The following GFRA1 variants were observed in gnomAD, a reference collection of about 807,000 sequenced individuals.
The protein encoded by GFRA1 is GDNF family receptor alpha 1.
GFRA1 carries 16 observed loss-of-function variants against 51.6 expected under a neutral mutation model. The ratio of observed to expected loss-of-function variants is 0.31; its 90% confidence interval spans 0.21 to 0.47. GFRA1 has a LOEUF of 0.47. Among genes scored for constraint, GFRA1 ranks in the 20% least tolerant of loss-of-function variants. The pLI, the probability that GFRA1 is intolerant of heterozygous loss-of-function variation, is 1.00. For missense variants in GFRA1, 530 were observed against 594.3 expected (o/e 0.89, Z 1.13); for synonymous variants, 270 against 241.3 (o/e 1.12, Z -1.10).
At chr10:116,256,221 A>G (rs151201886) in intron 4 of GFRA1, among the ~76,000 whole-genome samples, 1,913 of 152,280 alleles carry the variant, frequency 0.013, 22 homozygotes, top group Non-Finnish European at 0.02. Flanking sequence ...GTGCTGGAAC[A>G]TGGAATTCAA....
rs1954642545 is a variant in GFRA1 at position 116,058,155 on chromosome 10, C to T, written c.*6243G>A. On this transcript the variant is annotated 3_prime_UTR_variant, in exon 11 of 11. Transcript: ENST00000355422. ...ACCCGGTCTCGCCCCAGGTAATCAA[C>T]CTTTACTGATTTTCAACGGCCCTGG... The T allele has an allele frequency of 1.3e-5, 2 of 152,130 alleles. No individual in the cohort carries two copies. The highest frequency in any genetic ancestry group is 4.2e-4 in the South Asian group (2 of 4,818). The allele number at this position is 152,130 out of a possible 1,614,324, so 9.4% of individuals were successfully genotyped here. A position where few individuals can be genotyped will look rare whatever the true frequency, so the allele number is the denominator to read the frequency against.
At chr10:116,257,424 C>T (rs1968957363) in intron 4 of GFRA1, among the ~76,000 whole-genome samples, 2 of 152,054 alleles carry the variant, frequency 1.3e-5, no homozygotes, top group South Asian at 4.1e-4. Context: ...CCTTTGCCTT[C>T]CGAGCTTGTG....
At chr10:116,067,303 T>A (rs559101858) in intron 9 of GFRA1, among the ~76,000 whole-genome samples, 1 of 152,340 alleles carries the variant, frequency 6.6e-6, no homozygotes, top group East Asian at 1.9e-4. Context: ...AAAATGGCCC[T>A]AAAACATCAC....
At chr10:116,156,016 GA>G (rs765929634) in intron 5 of GFRA1, among the ~76,000 whole-genome samples, 26 of 152,322 alleles carry the variant, frequency 1.7e-4, no homozygotes, top group Admixed American at 1.2e-3. Flanking sequence ...GTCTTACTTG[GA>G]GCAGGTACTG....
chr10:116,225,413 T>C (rs1966210768), intron 4 of GFRA1, among the ~76,000 whole-genome samples: 1 of 151,008 alleles, frequency 6.6e-6, no homozygotes, highest in Non-Finnish European at 1.5e-5. Flanking sequence ...CACGCACTTA[T>C]AGTCCCTGCT....
At chr10:116,196,707 T>A (rs10736245) in intron 5 of GFRA1, among the ~76,000 whole-genome samples, 24,045 of 32,850 alleles carry the variant, frequency 0.73, 8,144 homozygotes, top group Middle Eastern at 0.81. Context: ...TAATATATAT[T>A]ATATATAGTA....
At chr10:116,225,332 C>T (rs1054294632) in intron 4 of GFRA1, among the ~76,000 whole-genome samples, 5 of 151,706 alleles carry the variant, frequency 3.3e-5, no homozygotes, top group African/African-American at 1.2e-4. Context: ...GTCATCAGAT[C>T]GAGACCATCC....
In GFRA1 at chr10:116,125,468, T is replaced by C. The variant is rs1431165851; in HGVS notation, c.523A>G (p.Ile175Val). ...GACACGCTGGTGGTGCACGGGGTGA[T>C]GTACGCCGACCTGTACTTCTTGCAA... ...DICKKYRSAY[I>V]TPCTTSVSND... The change falls in exon 6 of 11, where the codon ATC (isoleucine) becomes GTC (valine). Residue 175 changes from isoleucine to valine, a missense_variant. Ile to Val is a conservative substitution (Grantham distance 29, BLOSUM62 3). Coordinates refer to ENST00000355422, the MANE Select transcript of GFRA1 (RefSeq NM_005264.8). 5.6e-6 allele frequency: 9 copies of C among 1,614,004 alleles called. No homozygotes were observed. Among genetic ancestry groups the C allele is most frequent in the South Asian group, 1.1e-5 (1 of 91,084 alleles).
rs1441525216 is a variant in GFRA1, at chr10:116,272,721, G to T, written c.-247+442C>A. 1.3e-5 allele frequency: 2 copies of T among 152,700 alleles called. No individual in the cohort carries two copies. Among genetic ancestry groups the T allele is most frequent in the African/African-American group, 4.8e-5 (2 of 41,404 alleles). 9.5% of individuals were successfully genotyped at this position (152,700 alleles called of 1,614,324 possible). ...AGCCAGCGAGCTCGCTCAGCCGCCG[G>T]CCCTCCCCACTCCGATCGCCAATCC... On this transcript the variant is annotated intron_variant, in intron 1 of 10. Coordinates refer to ENST00000355422, the MANE Select transcript of GFRA1 (RefSeq NM_005264.8). The surrounding 1 kb of genome is among the most constrained non-coding windows in gnomAD (Gnocchi z 4.4).
In GFRA1 at chr10:116,083,961, G is replaced by C. The variant is rs1172824734; in HGVS notation, c.1197+5780C>G. On this transcript the variant is annotated intron_variant, in intron 9 of 10. Transcript: ENST00000355422. Reference sequence around the variant, plus strand: ...AGTACCTGTTTTCTAAGCTTGACACGACTCTGGGGAGATAAGGAAATGTAT... The same window carrying C: ...AGTACCTGTTTTCTAAGCTTGACACCACTCTGGGGAGATAAGGAAATGTAT... Among the ~76,000 whole-genome samples the C allele has an allele frequency of 2.0e-5, 3 of 152,204 alleles. No homozygotes were observed. In the East Asian group the frequency reaches 5.8e-4, roughly 29 times the overall value.
chr10:116,159,435 C>T (rs1046918554), intron 5 of GFRA1, among the ~76,000 whole-genome samples: 5 of 152,334 alleles, frequency 3.3e-5, no homozygotes, highest in Middle Eastern at 3.4e-3. Context: ...GATCCTCGTG[C>T]AGGCCACACT....
chr10:116,113,104 T>TTC (rs142851347), intron 6 of GFRA1, among the ~76,000 whole-genome samples: 204 of 151,832 alleles, frequency 1.3e-3, no homozygotes, highest in African/African-American at 4.7e-3. Context: ...TTAATGACTT[T>TTC]TCTCTCTCTC....
intron 6 of GFRA1, among the ~76,000 whole-genome samples, chr10:116,109,410 G>C (rs982586099): frequency 6.6e-6 from 1 of 152,144 alleles, no homozygotes. Flanking sequence ...GACAGAATTA[G>C]TGGGCATTCT....
In GFRA1 at chr10:116,084,149, T is replaced by C. The variant is rs370939633; in HGVS notation, c.1197+5592A>G. Among the ~76,000 whole-genome samples, 17 of 152,254 alleles carry C rather than the reference T, an allele frequency of 1.1e-4. No homozygotes were observed. The East Asian group carries it at 2.3e-3, about 21-fold the overall frequency. On this transcript the variant is annotated intron_variant, in intron 9 of 10. Coordinates refer to ENST00000355422, the MANE Select transcript of GFRA1 (RefSeq NM_005264.8). The stretch of plus-strand genomic sequence containing the variant: ...TACTGTGAACCCCTTAGGGCTAGCA[T>C]GGTCTGATGGCCAGAGAAGACCAGG...
intron 5 of GFRA1, among the ~76,000 whole-genome samples, chr10:116,129,277 T>A (rs1958006196): frequency 6.6e-6 from 1 of 152,172 alleles, no homozygotes; most frequent in African/African-American, 2.4e-5. Context: ...GCAACAATAT[T>A]CCCCAAACTT....
At chr10:116,170,589 C>A (rs1053693476) in intron 5 of GFRA1, among the ~76,000 whole-genome samples, 2 of 152,162 alleles carry the variant, frequency 1.3e-5, no homozygotes, top group Non-Finnish European at 2.9e-5. Flanking sequence ...GGCTCCCTAC[C>A]CCATGACTTT....
chr10:116,187,847 G>A (rs1183799063), intron 5 of GFRA1, among the ~76,000 whole-genome samples: 4 of 152,018 alleles, frequency 2.6e-5, no homozygotes, highest in Admixed American at 6.5e-5. Context: ...GTAAGTTTGC[G>A]TTGACCTCTG....
rs188778292 is a variant in GFRA1 at position 116,192,205 on chromosome 10, A to T, written c.433+19426T>A. Among the ~76,000 whole-genome samples, 5 of 152,228 alleles carry T rather than the reference A, an allele frequency of 3.3e-5. No homozygotes were observed. The East Asian group carries it at 9.7e-4, about 29-fold the overall frequency. On this transcript the variant is annotated intron_variant, in intron 5 of 10. Coordinates refer to ENST00000355422, the MANE Select transcript of GFRA1 (RefSeq NM_005264.8). ...GCTTTGAATGGGCACCCCCATCCCC[A>T]TTCCTTGTCTCTATGGGCCAGGAGT... is the stretch of plus-strand genomic sequence containing the variant.
At chr10:116,224,600 C>T (rs1408506993) in intron 4 of GFRA1, among the ~76,000 whole-genome samples, 4 of 152,062 alleles carry the variant, frequency 2.6e-5, no homozygotes, top group South Asian at 2.1e-4. Context: ...ACAAAGACCA[C>T]GTATTGTGTG....
Sources: gnomAD v4.1 joint callset for allele counts (sites outside exome capture counted in the v4.1 genomes callset) on GRCh38, gnomAD v4.1.1 for gene constraint, Gnocchi (gnomAD v3.1) non-coding constraint, MANE v1.5 for transcripts, NCBI Gene and HGNC (gene_info 2026-07-23, HGNC 2026-07-21) for gene names.